The following KCNQ2 variants were observed in gnomAD, a reference collection of about 807,000 sequenced individuals.
KCNQ2 encodes the protein potassium voltage-gated channel subfamily KQT member 2.
A neutral mutation model predicts 84.8 loss-of-function variants in KCNQ2; 14 were observed. That is an observed-to-expected ratio of 0.17 (90% CI 0.11 to 0.26). KCNQ2 has a LOEUF of 0.26. KCNQ2 is among the 10% of genes least tolerant of loss of function. The pLI is 1.00. For synonymous variants in KCNQ2, 599 were observed against 554.1 expected, an observed-to-expected ratio of 1.08 and a Z score of -1.14; for missense variants, 788 against 1,254.0, an observed-to-expected ratio of 0.63 and a Z score of 5.61.
At chr20:63,433,927 T>C (rs528310101) in intron 7 of KCNQ2, 24 bp from the exon 8 acceptor site, 4 of 1,609,668 alleles carry the variant, frequency 2.5e-6, no homozygotes, top group East Asian at 2.2e-5. Flanking sequence ...GACAAGGCAG[T>C]TGGCGAGGGG....
At chr20:63,450,037 G>A (rs1307485066) in intron 1 of KCNQ2, among the ~76,000 whole-genome samples, 1 of 151,370 alleles carries the variant, frequency 6.6e-6, no homozygotes, top group African/African-American at 2.4e-5. Flanking sequence ...GAACCCGCCC[G>A]CCACCACACG....
intron 15 of KCNQ2, chr20:63,412,132 C>T (rs941002211): frequency 1.3e-5 from 6 of 475,350 alleles, no homozygotes; most frequent in Middle Eastern, 5.6e-4. Flanking sequence ...CCGGGTGCCA[C>T]GTCCCAGAGC....
chr20:63,428,333 GC>G (rs1568905796), intron 10 of KCNQ2, 33 bp downstream of exon 10: 1 of 1,520,982 alleles, frequency 6.6e-7, no homozygotes, highest in East Asian at 2.4e-5. Context: ...GGACTGAGAC[GC>G]CCACCCGCCC....
intron 11 of KCNQ2, 57 bp downstream of exon 11, chr20:63,424,116 GGAGA>G: frequency 1.3e-6 from 2 of 1,534,266 alleles, no homozygotes; most frequent in Non-Finnish European, 1.8e-6. Flanking sequence ...CACACGTGTG[GGAGA>G]GAGACCAGAC....
At chr20:63,409,660 C>T (rs1048957941) in intron 15 of KCNQ2, among the ~76,000 whole-genome samples, 1 of 152,226 alleles carries the variant, frequency 6.6e-6, no homozygotes, top group Admixed American at 6.5e-5. Context: ...TGGACTGGGG[C>T]CTGGTACATG....
At position 63,406,503 on chromosome 20, in the gene KCNQ2, C is replaced by T. The variant is rs1452482574; in HGVS notation, c.*141G>A. ...CTGCCAGGAGCCCCCATCCTTCAGC[C>T]CACATGGGCCCCTCCAGGGCCCACC... On this transcript the variant is annotated 3_prime_UTR_variant, in exon 17 of 17. Transcript: ENST00000359125. The T allele has an allele frequency of 4.2e-5, 43 of 1,017,696 alleles. No homozygotes were observed. Among genetic ancestry groups the T allele is most frequent in the Non-Finnish European group, 5.6e-5 (40 of 719,966 alleles). The allele number at this position is 1,017,696 out of a possible 1,614,324, so 63.0% of individuals were successfully genotyped here. A position where few individuals can be genotyped will look rare whatever the true frequency, so the allele number is the denominator to read the frequency against.
rs2080222818 is a variant in KCNQ2, at chr20:63,414,437, T to C, written c.1526-244A>G. On this transcript the variant is annotated intron_variant, in intron 13 of 16. Transcript: ENST00000359125. This position sits in a 1 kb window ranked among gnomAD's most constrained non-coding sequence, Gnocchi z 6.6. Reference sequence around the variant, plus strand: ...CGATATGGGGCGTCAAAGGACATTCTGGCCAATGGATGAACAGAACATGGC... The same window carrying C: ...CGATATGGGGCGTCAAAGGACATTCCGGCCAATGGATGAACAGAACATGGC... 6.6e-6 allele frequency among the ~76,000 whole-genome samples: 1 copy of C among 152,126 alleles called. No homozygotes were observed. The highest frequency in any genetic ancestry group is 2.4e-5 in the African/African-American group (1 of 41,438).
rs377478620 is a variant in KCNQ2, at chr20:63,472,284, G to T, written c.180C>A (p.Gly60=). 2.0e-6 allele frequency: 3 copies of T among 1,537,800 alleles called. No homozygotes were observed. Among genetic ancestry groups the T allele is most frequent in the Admixed American group, 2.0e-5 (1 of 50,184 alleles). Residue 60 remains glycine (G), a synonymous_variant, in exon 1 of 17, where the codon GGC becomes GGA. Coordinates refer to ENST00000359125, the MANE Select transcript of KCNQ2 (RefSeq NM_172107.4). ...TGGGGGGCTTCCCGGCGCCCGCGCC[G>T]CCCGCGCGAGGTTTGCTGAGGATGC... ...RGSILSKPRA[G]GAGAGKPPKR... is the part of the protein sequence containing the mutation.
intron 8 of KCNQ2, among the ~76,000 whole-genome samples, chr20:63,431,680 C>G (rs1482999936): frequency 6.6e-6 from 1 of 152,088 alleles, no homozygotes. Context: ...CTGCAAACAT[C>G]GAGGACCGCC....
Position 63,406,509 on chromosome 20 carries a change from G to T in KCNQ2, c.*135C>A, listed in dbSNP as rs968451274. ...GGAGCCCCCATCCTTCAGCCCACAT[G>T]GGCCCCTCCAGGGCCCACCCTTCCC... is the stretch of plus-strand genomic sequence containing the variant. On this transcript the variant is annotated 3_prime_UTR_variant, in exon 17 of 17. Coordinates refer to ENST00000359125, the MANE Select transcript of KCNQ2 (RefSeq NM_172107.4). The T allele has an allele frequency of 4.2e-5, 45 of 1,077,380 alleles. No individual in the cohort carries two copies. The highest frequency in any genetic ancestry group is 5.4e-5 in the Non-Finnish European group (42 of 774,294). The allele number at this position is 1,077,380 out of a possible 1,614,324, so 66.7% of individuals were successfully genotyped here. A position where few individuals can be genotyped will look rare whatever the true frequency, so the allele number is the denominator to read the frequency against.
intron 15 of KCNQ2, chr20:63,412,265 TTTTG>T (rs2080143448): frequency 5.5e-6 from 1 of 182,428 alleles, no homozygotes; most frequent in Non-Finnish European, 1.1e-5. Context: ...GTTTGCTTTG[TTTTG>T]TTTGTTTTTC....
intron 4 of KCNQ2, among the ~76,000 whole-genome samples, chr20:63,443,141 C>CCACCACCACCAT (rs1568936428): frequency 1.6e-5 from 1 of 64,368 alleles, no homozygotes; most frequent in African/African-American, 6.9e-5. Flanking sequence ...ACCATCATCA[C>CCACCACCACCAT]CACCACCATC....
At chr20:63,467,541 C>T (rs986933262) in intron 1 of KCNQ2, among the ~76,000 whole-genome samples, 1 of 151,292 alleles carries the variant, frequency 6.6e-6, no homozygotes, top group Non-Finnish European at 1.5e-5. Flanking sequence ...GTCACTCCTA[C>T]AGGGCAGAGG....
At chr20:63,450,199 G>A (rs1331825136) in intron 1 of KCNQ2, among the ~76,000 whole-genome samples, 2 of 144,284 alleles carry the variant, frequency 1.4e-5, no homozygotes, top group African/African-American at 2.6e-5. Context: ...CCAAAGGGAC[G>A]AAGTGCCCCA....
chr20:63,448,048 C>T (rs1213610860), intron 1 of KCNQ2: 1 of 152,242 alleles, frequency 6.6e-6, no homozygotes, highest in African/African-American at 2.4e-5. Context: ...GTGGCTGCAA[C>T]AAGGCCACCC....
intron 15 of KCNQ2, chr20:63,410,017 G>A (rs894405325): frequency 7.1e-6 from 2 of 283,048 alleles, no homozygotes; most frequent in African/African-American, 2.3e-5. Context: ...TTTCTGTTGC[G>A]AGAAACAGAG....
intron 4 of KCNQ2, among the ~76,000 whole-genome samples, chr20:63,443,466 T>TCACCAC (rs1568937988): frequency 3.2e-5 from 1 of 30,940 alleles, no homozygotes; most frequent in Non-Finnish European, 6.7e-5. Context: ...ATCACCACCA[T>TCACCAC]CACCACCATC....
chr20:63,432,277 TC>T (rs548726008), intron 8 of KCNQ2, among the ~76,000 whole-genome samples: 13 of 70,346 alleles, frequency 1.8e-4, no homozygotes, highest in African/African-American at 9.7e-4. Flanking sequence ...CTCTGGGAAG[TC>T]CCCACCCTCA....
At chr20:63,433,699 T>C (rs750434607) in intron 8 of KCNQ2, 110 bp downstream of exon 8, 4 of 1,593,242 alleles carry the variant, frequency 2.5e-6, no homozygotes, top group Non-Finnish European at 3.4e-6. Flanking sequence ...AAATACATTT[T>C]AAAGAAAAAA....
Sources: allele counts gnomAD v4.1 joint callset (sites outside exome capture counted in the v4.1 genomes callset), GRCh38; gene constraint gnomAD v4.1.1; non-coding constraint Gnocchi (gnomAD v3.1); transcripts MANE v1.5; gene names NCBI Gene and HGNC (gene_info 2026-07-23, HGNC 2026-07-21).